The following CDH4 variants were observed in gnomAD, a reference collection of about 807,000 sequenced individuals.
CDH4 encodes the protein cadherin-4.
Under a neutral mutation model 86.0 loss-of-function variants are expected in CDH4, and 33 were observed. The ratio of observed to expected loss-of-function variants is 0.38; its 90% confidence interval spans 0.29 to 0.51. CDH4 has a LOEUF of 0.51. Ranked by LOEUF, CDH4 falls within the 20% of genes least tolerant of loss-of-function variation. CDH4 has a pLI of 0.86. For synonymous variants in CDH4, 555 were observed against 549.4 expected, an observed-to-expected ratio of 1.01 and a Z score of -0.14; for missense variants, 1,114 against 1,307.4, an observed-to-expected ratio of 0.85 and a Z score of 2.28.
At chr20:61,741,845 C>G (rs2088342807) in intron 2 of CDH4, among the ~76,000 whole-genome samples, 1 of 151,876 alleles carries the variant, frequency 6.6e-6, no homozygotes, top group African/African-American at 2.4e-5. Flanking sequence ...GCCGCCTGTA[C>G]TTTTTTTTAA....
intron 6 of CDH4, among the ~76,000 whole-genome samples, chr20:61,856,457 C>T (rs1241508470): frequency 4.1e-5 from 6 of 147,318 alleles, no homozygotes; most frequent in African/African-American, 1.5e-4. Context: ...CCACGAGAAT[C>T]CTTCATGCAC....
At chr20:61,921,061 C>T (rs372248222) in intron 9 of CDH4, among the ~76,000 whole-genome samples, 7 of 139,116 alleles carry the variant, frequency 5.0e-5, no homozygotes, top group East Asian at 4.5e-4. Context: ...TGCGTGGAAG[C>T]GTGGTGTCGT....
chr20:61,425,959 A>C (rs1158488600), intron 2 of CDH4, among the ~76,000 whole-genome samples: 1 of 152,276 alleles, frequency 6.6e-6, no homozygotes, highest in Non-Finnish European at 1.5e-5. Context: ...ATCATCTGAA[A>C]ACTGAGGCAT....
chr20:61,683,968 C>T (rs558285791), intron 2 of CDH4, among the ~76,000 whole-genome samples: 1 of 152,348 alleles, frequency 6.6e-6, no homozygotes, highest in South Asian at 2.1e-4. Context: ...GTAGCCCCAT[C>T]ACAACCACAT....
intron 2 of CDH4, among the ~76,000 whole-genome samples, chr20:61,536,100 C>T (rs2085995352): frequency 6.6e-6 from 1 of 152,218 alleles, no homozygotes; most frequent in South Asian, 2.1e-4. Flanking sequence ...CAGTGAGTGG[C>T]CCAGGCTACC....
intron 2 of CDH4, among the ~76,000 whole-genome samples, chr20:61,277,828 G>T (rs1600827400): frequency 6.6e-6 from 1 of 152,186 alleles, no homozygotes; most frequent in Non-Finnish European, 1.5e-5. Flanking sequence ...GACGGCCTCC[G>T]CTTTCCTGTG....
At chr20:61,585,972 TGA>T (rs1184272417) in intron 2 of CDH4, among the ~76,000 whole-genome samples, 6 of 106,538 alleles carry the variant, frequency 5.6e-5, no homozygotes, top group African/African-American at 2.0e-4. Flanking sequence ...GTGATGGTGA[TGA>T]TGTGATGATG....
At chr20:61,293,667 G>A (rs751785125) in intron 2 of CDH4, among the ~76,000 whole-genome samples, 34 of 152,266 alleles carry the variant, frequency 2.2e-4, no homozygotes, top group African/African-American at 4.3e-4. Context: ...TCCAAGCCTC[G>A]GTTTTCTCCT....
At chr20:61,448,232 C>A (rs1304860791) in intron 2 of CDH4, among the ~76,000 whole-genome samples, 1 of 152,244 alleles carries the variant, frequency 6.6e-6, no homozygotes, top group East Asian at 1.9e-4. Context: ...TCACGGACAG[C>A]TGGGCACCTT....
intron 2 of CDH4, among the ~76,000 whole-genome samples, chr20:61,723,980 GGGGGTAGGTCCCCA>G (rs1568778828): frequency 2.4e-4 from 19 of 79,276 alleles, no homozygotes; most frequent in East Asian, 1.9e-3. Flanking sequence ...CATGTGGCAG[GGGGGTAGGTCCCCA>G]TGCAGGGGGC....
intron 2 of CDH4, among the ~76,000 whole-genome samples, chr20:61,615,756 A>T (rs1157801777): frequency 6.6e-6 from 1 of 152,222 alleles, no homozygotes; most frequent in Non-Finnish European, 1.5e-5. Flanking sequence ...TGAAATCAGC[A>T]TGTATAAAAG....
intron 2 of CDH4, among the ~76,000 whole-genome samples, chr20:61,492,403 A>G (rs1045885886): frequency 2.0e-5 from 3 of 148,420 alleles, no homozygotes; most frequent in Admixed American, 2.0e-4. Context: ...AGTGGTGTTG[A>G]TGGTGGTGGT....
intron 3 of CDH4, among the ~76,000 whole-genome samples, chr20:61,749,337 T>C (rs1352940446): frequency 6.6e-6 from 1 of 152,206 alleles, no homozygotes; most frequent in Non-Finnish European, 1.5e-5. Context: ...GGAAATAGAT[T>C]AGAATCACAC....
chr20:61,346,145 AG>A (rs2084678219), intron 2 of CDH4, among the ~76,000 whole-genome samples: 1 of 152,124 alleles, frequency 6.6e-6, no homozygotes, highest in African/African-American at 2.4e-5. Context: ...CAGTCAGGAC[AG>A]TCTCTCTCAG....
intron 2 of CDH4, among the ~76,000 whole-genome samples, chr20:61,651,629 G>C (rs546018602): frequency 5.3e-5 from 8 of 152,208 alleles, no homozygotes; most frequent in Admixed American, 5.2e-4. Context: ...GCCCCACCTC[G>C]CAGGTGGCCA....
At chr20:61,925,628 G>A (rs6061387) in intron 11 of CDH4, among the ~76,000 whole-genome samples, 2,859 of 152,362 alleles carry the variant, frequency 0.019, 88 homozygotes, top group African/African-American at 0.064. Context: ...TTGGCTGACA[G>A]CCCGAGTGTG....
chr20:61,297,407 A>T (rs2084361951), intron 2 of CDH4, among the ~76,000 whole-genome samples: 1 of 152,222 alleles, frequency 6.6e-6, no homozygotes, highest in African/African-American at 2.4e-5. Context: ...AGAAAAAAAA[A>T]GTGTGGAAAA....
chr20:61,811,458 T>C lies in CDH4; in HGVS notation c.577-33210T>C, dbSNP rs962693298. On this transcript the variant is annotated intron_variant, in intron 4 of 15. Transcript: ENST00000614565. This position sits in a 1 kb window ranked among gnomAD's most constrained non-coding sequence, Gnocchi z 4.4. ...GGAAAAAACAGCAGACATCTATCTG[T>C]ATGCTTTTGCCATGAGGAAAGGAAG... Among the ~76,000 whole-genome samples the C allele has an allele frequency of 1.3e-5, 2 of 152,166 alleles. No individual in the cohort carries two copies. The highest frequency in any genetic ancestry group is 2.9e-5 in the Non-Finnish European group (2 of 68,036).
chr20:61,458,112 CAG>C (rs1476093484), intron 2 of CDH4, among the ~76,000 whole-genome samples: 4 of 144,926 alleles, frequency 2.8e-5, no homozygotes, highest in African/African-American at 1.0e-4. Flanking sequence ...ATGTTGATGA[CAG>C]TGCTGATGGT....
Sources: allele counts gnomAD v4.1 joint callset (sites outside exome capture counted in the v4.1 genomes callset), GRCh38; gene constraint gnomAD v4.1.1; non-coding constraint Gnocchi (gnomAD v3.1); transcripts MANE v1.5; gene names NCBI Gene and HGNC (gene_info 2026-07-23, HGNC 2026-07-21).